The following ERC1 variants were observed in gnomAD, a reference collection of about 807,000 sequenced individuals.
ERC1 encodes the protein RAB6 interacting protein 2.
A neutral mutation model predicts 132.0 loss-of-function variants in ERC1; 56 were observed. That is an observed-to-expected ratio of 0.42 (90% CI 0.34 to 0.53). ERC1 has a LOEUF of 0.53. Among genes scored for constraint, ERC1 ranks in the 20% least tolerant of loss-of-function variants. The pLI, the probability that ERC1 is intolerant of heterozygous loss-of-function variation, is 0.03. For synonymous variants in ERC1, 478 were observed against 476.1 expected (o/e 1.00, Z -0.05); for missense variants, 1,202 against 1,349.9 (o/e 0.89, Z 1.72).
chr12:1,406,170 C>T (rs762935572), intron 16 of ERC1, among the ~76,000 whole-genome samples: 1 of 152,114 alleles, frequency 6.6e-6, no homozygotes, highest in Non-Finnish European at 1.5e-5. Context: ...TTGTTATCCC[C>T]ATTTTAAAGG....
At chr12:1,311,655 T>C (rs1308960336) in intron 15 of ERC1, among the ~76,000 whole-genome samples, 6 of 152,202 alleles carry the variant, frequency 3.9e-5, no homozygotes, top group African/African-American at 7.2e-5. Flanking sequence ...TACCAACTTA[T>C]TTTAGACCAG....
intron 8 of ERC1, among the ~76,000 whole-genome samples, chr12:1,148,264 AATT>A (rs1950550777): frequency 6.6e-6 from 1 of 152,210 alleles, no homozygotes. Context: ...AAAGAGGTTT[AATT>A]GACTCACATT....
At chr12:1,219,976 C>T (rs1484103680) in intron 12 of ERC1, among the ~76,000 whole-genome samples, 1 of 152,194 alleles carries the variant, frequency 6.6e-6, no homozygotes, top group African/African-American at 2.4e-5. Flanking sequence ...AGCTTAGGCT[C>T]TGTATCCTAT....
chr12:1,162,299 T>C (rs1951955791), intron 8 of ERC1, among the ~76,000 whole-genome samples: 1 of 152,202 alleles, frequency 6.6e-6, no homozygotes, highest in Non-Finnish European at 1.5e-5. Flanking sequence ...GAAAATGTAA[T>C]TGAGCATTTG....
intron 14 of ERC1, among the ~76,000 whole-genome samples, chr12:1,273,344 G>C (rs188262776): frequency 2.6e-4 from 40 of 152,278 alleles, no homozygotes; most frequent in African/African-American, 8.9e-4. Flanking sequence ...TAGTAGCAAT[G>C]CTCACTCGTA....
chr12:1,483,624 TGTAAA>T (rs2094133615), intron 18 of ERC1, among the ~76,000 whole-genome samples: 1 of 147,964 alleles, frequency 6.8e-6, no homozygotes, highest in South Asian at 2.2e-4. Flanking sequence ...TACAGAAGTA[TGTAAA>T]GTAAAAGTAA....
intron 4 of ERC1, among the ~76,000 whole-genome samples, chr12:1,107,260 ATGAC>A (rs1421667107): frequency 6.6e-6 from 1 of 151,922 alleles, no homozygotes; most frequent in African/African-American, 2.4e-5. Flanking sequence ...ACAGGGAAGA[ATGAC>A]TGTACTGCTC....
intron 17 of ERC1, among the ~76,000 whole-genome samples, chr12:1,440,600 T>TTGTGTGTGTGTGTGTGTGTGTG (rs56749397): frequency 2.0e-5 from 1 of 51,160 alleles, no homozygotes; most frequent in East Asian, 6.6e-4. Flanking sequence ...CCTCAGCCTT[T>TTGTGTGTGTGTGTGTGTGTGTG]TGTGTGTGTG....
At chr12:1,416,520 A>G (rs142542941) in intron 17 of ERC1, among the ~76,000 whole-genome samples, 231 of 152,356 alleles carry the variant, frequency 1.5e-3, no homozygotes, top group Non-Finnish European at 2.8e-3. Context: ...TTGGACACCC[A>G]TAATTCAAAG....
At chr12:1,037,418 T>G (rs1345494166) in intron 2 of ERC1, among the ~76,000 whole-genome samples, 1 of 152,208 alleles carries the variant, frequency 6.6e-6, no homozygotes. Context: ...ACATTAATGT[T>G]AATCAGTGGA....
At chr12:1,078,070 A>T (rs1315281711) in intron 2 of ERC1, among the ~76,000 whole-genome samples, 1 of 152,224 alleles carries the variant, frequency 6.6e-6, no homozygotes, top group Non-Finnish European at 1.5e-5. Context: ...CCAAAATAGT[A>T]ATTGCCATGC....
intron 15 of ERC1, among the ~76,000 whole-genome samples, chr12:1,291,244 G>C (rs2079429875): frequency 6.6e-6 from 1 of 152,184 alleles, no homozygotes; most frequent in Non-Finnish European, 1.5e-5. Context: ...AAAGCATTAT[G>C]AGTGATATGT....
intron 2 of ERC1, among the ~76,000 whole-genome samples, chr12:1,070,534 C>T (rs948508272): frequency 2.6e-5 from 4 of 152,122 alleles, no homozygotes; most frequent in African/African-American, 7.2e-5. Flanking sequence ...AGTCCTTCCT[C>T]CTCGGCTTCT....
At chr12:1,221,125 A>G (rs1300500760) in intron 12 of ERC1, among the ~76,000 whole-genome samples, 2 of 152,198 alleles carry the variant, frequency 1.3e-5, no homozygotes, top group African/African-American at 4.8e-5. Context: ...AGTGGACAGT[A>G]AACTCAGTGA....
intron 18 of ERC1, among the ~76,000 whole-genome samples, chr12:1,453,946 G>GT (rs1279489183): frequency 4.0e-5 from 6 of 151,886 alleles, no homozygotes; most frequent in Non-Finnish European, 8.8e-5. Context: ...ATGCGTGTTT[G>GT]TTTTTTTAAT....
rs370463058 is a variant in ERC1 at position 1,028,041 on chromosome 12, T to G, written c.138T>G (p.Val46=). The change falls in exon 2 of 19, where the codon GTT becomes GTG. Residue 46 remains valine (V), a synonymous_variant. Coordinates refer to ENST00000360905, the MANE Select transcript of ERC1 (RefSeq NM_178040.4). The stretch of plus-strand genomic sequence containing the variant: ...CGGGAGGGAGTTCGGGAAGCAGTGT[T>G]GGAGGTGGCAGTGGGAAAACCCTTT... ...NSTGGSSGSS[V]GGGSGKTLSM... 1.7e-5 allele frequency: 27 copies of G among 1,614,056 alleles called. No individual in the cohort carries two copies. Among genetic ancestry groups the G allele is most frequent in the Admixed American group, 3.3e-5 (2 of 60,000 alleles).
At chr12:1,222,516 A>G (rs1021755888) in intron 12 of ERC1, among the ~76,000 whole-genome samples, 3 of 152,150 alleles carry the variant, frequency 2.0e-5, no homozygotes, top group South Asian at 2.1e-4. Flanking sequence ...CACCTGGCCC[A>G]TATTCTCTAT....
At chr12:1,440,853 C>T (rs1592084275) in intron 17 of ERC1, among the ~76,000 whole-genome samples, 1 of 151,812 alleles carries the variant, frequency 6.6e-6, no homozygotes, top group East Asian at 1.9e-4. Context: ...ACTGTGTTGG[C>T]CAGACTGCTC....
At position 1,196,943 on chromosome 12, in the gene ERC1, CACACACACACACACACACATATAT is replaced by C. The variant is rs1421928445; in HGVS notation, c.2351+6893_2351+6916del. 9.0e-4 allele frequency among the ~76,000 whole-genome samples: 38 copies of C among 42,252 alleles called. 1 individual carries two copies. In the African/African-American group the frequency reaches 9.6e-3, roughly 11 times the overall value. The allele number at this position is 42,252 out of a possible 152,430, so 27.7% of individuals were successfully genotyped here. A position where few individuals can be genotyped will look rare whatever the true frequency, so the allele number is the denominator to read the frequency against. On this transcript the variant is annotated intron_variant, in intron 12 of 18. Transcript: ENST00000360905. ...ACACACACACACACACACACACACA[CACACACACACACACACACATATAT>C]ATATATATATTTTTTTTTTTTTTTT...
Sources: allele counts gnomAD v4.1 joint callset (sites outside exome capture counted in the v4.1 genomes callset), GRCh38; gene constraint gnomAD v4.1.1; transcripts MANE v1.5; gene names NCBI Gene and HGNC (gene_info 2026-07-23, HGNC 2026-07-21).